ROBO1: variants seen among roughly 807,000 people sequenced by gnomAD.
ROBO1 encodes roundabout guidance receptor 1, also known as roundabout homolog 1.
Under a neutral mutation model 195.9 loss-of-function variants are expected in ROBO1, and 149 were observed. The observed-to-expected ratio is 0.76, with a 90% confidence interval of 0.67 to 0.87. ROBO1 has a LOEUF of 0.87. Ranked by LOEUF, ROBO1 falls within the 40% of genes least tolerant of loss-of-function variation. The pLI is 0.00. For synonymous variants in ROBO1, 816 were observed against 733.2 expected, an observed-to-expected ratio of 1.11 and a Z score of -1.82; for missense variants, 1,933 against 2,068.3, an observed-to-expected ratio of 0.93 and a Z score of 1.27.
At position 78,938,906 on chromosome 3, in the gene ROBO1, T is replaced by C; in HGVS notation, c.194A>G (p.Asp65Gly). The change falls in exon 4 of 31, where the codon GAT becomes GGT. Residue 65 changes from aspartate (D) to glycine (G), a missense_variant. Coordinates refer to ENST00000464233, the MANE Select transcript of ROBO1 (RefSeq NM_002941.4). ...GTGTTCAACAATGCGAGGTGGAAAATCTTCCTGACGAAGACGGGAGCCTGC... is the reference window on the plus strand; with the variant it reads ...GTGTTCAACAATGCGAGGTGGAAAACCTTCCTGACGAAGACGGGAGCCTGC... Reference protein sequence around the residue: ...GYTGSRLRQEDFPPRIVEHPS... With the variant: ...GYTGSRLRQEGFPPRIVEHPS... 1 of 1,609,228 alleles carries C rather than the reference T, an allele frequency of 6.2e-7. No individual in the cohort carries two copies. Among genetic ancestry groups the C allele is most frequent in the Non-Finnish European group, 8.5e-7 (1 of 1,176,998 alleles).
At chr3:78,601,423 C>T (rs544298582) in intron 29 of ROBO1, among the ~76,000 whole-genome samples, 1 of 152,292 alleles carries the variant, frequency 6.6e-6, no homozygotes, top group African/African-American at 2.4e-5. Flanking sequence ...ACAACTTTCA[C>T]CCCTAACCCA....
Position 79,496,387 on chromosome 3 carries a change from C to CATTTTTTTTTTTTTTTTTTTTTTTT in ROBO1, c.88+93436_88+93437insAAAAAAAAAAAAAAAAAAAAAAAAT, listed in dbSNP as rs145186389. ...TTTTGGTATAATGCTGCGCACCCAT[C>CATTTTTTTTTTTTTTTTTTTTTTTT]TTTTTTTGAGACGGAGTCTCGCTCT... On this transcript the variant is annotated intron_variant, in intron 2 of 30. Transcript: ENST00000464233. Among the ~76,000 whole-genome samples the CATTTTTTTTTTTTTTTTTTTTTTTT allele has an allele frequency of 2.8e-3, 310 of 112,584 alleles. 75 individuals are homozygous for CATTTTTTTTTTTTTTTTTTTTTTTT. Among genetic ancestry groups the CATTTTTTTTTTTTTTTTTTTTTTTT allele is most frequent in the Middle Eastern group, 4.3e-3 (1 of 232 alleles). The allele number at this position is 112,584 out of a possible 152,430, so 73.9% of individuals were successfully genotyped here. A position where few individuals can be genotyped will look rare whatever the true frequency, so the allele number is the denominator to read the frequency against.
chr3:79,472,714 C>A (rs1231206241), intron 2 of ROBO1, among the ~76,000 whole-genome samples: 1 of 152,098 alleles, frequency 6.6e-6, no homozygotes, highest in African/African-American at 2.4e-5. Context: ...AGAGTCCTTG[C>A]TTGGTGCTTG....
chr3:79,071,098 C>G (rs2079080331), intron 3 of ROBO1, among the ~76,000 whole-genome samples: 1 of 151,766 alleles, frequency 6.6e-6, no homozygotes, highest in Non-Finnish European at 1.5e-5. Context: ...ACTCTCTCAG[C>G]AATTTTCATG....
chr3:78,638,332 CACTT>C (rs1460893356), intron 22 of ROBO1, among the ~76,000 whole-genome samples: 1 of 150,464 alleles, frequency 6.6e-6, no homozygotes, highest in Admixed American at 6.6e-5. Context: ...TATACACACA[CACTT>C]AATATGTACA....
intron 1 of ROBO1, among the ~76,000 whole-genome samples, chr3:79,723,190 G>A (rs1379393244): frequency 1.3e-5 from 2 of 152,078 alleles, no homozygotes; most frequent in Non-Finnish European, 2.9e-5. Context: ...TTGAACAGAT[G>A]GAATGTGTTA....
chr3:79,711,647 AACACATAC>A (rs1185481000), intron 1 of ROBO1, among the ~76,000 whole-genome samples: 2 of 151,742 alleles, frequency 1.3e-5, no homozygotes, highest in South Asian at 4.1e-4. Flanking sequence ...TTACTGTTAA[AACACATAC>A]ACACATACAC....
intron 2 of ROBO1, among the ~76,000 whole-genome samples, chr3:79,409,578 T>G (rs896396503): frequency 2.6e-5 from 4 of 152,148 alleles, no homozygotes; most frequent in African/African-American, 7.2e-5. Context: ...AAAATTGTCT[T>G]AGTTGAGAAT....
chr3:79,634,953 T>TA (rs1204998647), intron 1 of ROBO1, among the ~76,000 whole-genome samples: 2 of 152,202 alleles, frequency 1.3e-5, no homozygotes, highest in Non-Finnish European at 2.9e-5. Context: ...GAACTTAATA[T>TA]GTATCAGGGA....
chr3:79,431,966 T>G lies in ROBO1; in HGVS notation c.88+157858A>C, dbSNP rs182979744. Among the ~76,000 whole-genome samples, 3 of 152,156 alleles carry G rather than the reference T, an allele frequency of 2.0e-5. No homozygotes were observed. The East Asian group carries it at 5.8e-4, about 29-fold the overall frequency. The stretch of plus-strand genomic sequence containing the variant: ...AAGGTGCCATTTTTGAATAACACTC[T>G]TAGTAGATAAAATGACAATGTGCAA... On this transcript the variant is annotated intron_variant, in intron 2 of 30. Coordinates refer to ENST00000464233, the MANE Select transcript of ROBO1 (RefSeq NM_002941.4).
chr3:79,587,210 G>A (rs986889218), intron 2 of ROBO1, among the ~76,000 whole-genome samples: 2 of 151,206 alleles, frequency 1.3e-5, no homozygotes, highest in African/African-American at 2.4e-5. Flanking sequence ...TATTATACAG[G>A]GAGACAAAAT....
At chr3:79,351,373 A>G (rs1432177115) in intron 2 of ROBO1, among the ~76,000 whole-genome samples, 3 of 152,174 alleles carry the variant, frequency 2.0e-5, no homozygotes, top group African/African-American at 7.2e-5. Context: ...ATAAATTGTT[A>G]TTCTTTTAAA....
intron 2 of ROBO1, among the ~76,000 whole-genome samples, chr3:79,391,395 T>TA (rs1376709756): frequency 6.6e-6 from 1 of 152,132 alleles, no homozygotes; most frequent in South Asian, 2.1e-4. Flanking sequence ...TTACAATTTT[T>TA]AAAAAATCAA....
chr3:79,584,612 T>TGTGTGTGTGTGTGTAC (rs1943762994), intron 2 of ROBO1, among the ~76,000 whole-genome samples: 1 of 100,788 alleles, frequency 9.9e-6, no homozygotes, highest in African/African-American at 4.9e-5. Context: ...GGTGGGTGAG[T>TGTGTGTGTGTGTGTAC]GTGTGTGTGT....
In ROBO1 at chr3:79,600,905, T is replaced by C. The variant is rs576027247; in HGVS notation, c.-50-10944A>G. On this transcript the variant is annotated intron_variant, in intron 1 of 30. Coordinates refer to ENST00000464233, the MANE Select transcript of ROBO1 (RefSeq NM_002941.4). ...ATTTCATTTATTTAATAAACGTTAT[T>C]TGACAACTTACTATGCACCATCCTA... Among the ~76,000 whole-genome samples the C allele has an allele frequency of 1.5e-3, 225 of 152,092 alleles. 2 individuals carry two copies. The highest frequency in any genetic ancestry group is 5.2e-3 in the African/African-American group (214 of 41,536).
chr3:78,614,562 C>T, intron 28 of ROBO1, 86 bp downstream of exon 28: 27 of 1,373,572 alleles, frequency 2.0e-5, no homozygotes, highest in Non-Finnish European at 2.5e-5. Flanking sequence ...TAATTTCTAA[C>T]GTCAGTGAAT....
At chr3:78,721,849 A>C (rs1039959097) in intron 5 of ROBO1, among the ~76,000 whole-genome samples, 2 of 152,206 alleles carry the variant, frequency 1.3e-5, no homozygotes, top group Non-Finnish European at 2.9e-5. Context: ...TGGGCCACCA[A>C]TTAACATTAT....
intron 3 of ROBO1, among the ~76,000 whole-genome samples, chr3:79,069,639 G>T (rs1278051488): frequency 6.6e-6 from 1 of 151,810 alleles, no homozygotes; most frequent in Admixed American, 6.6e-5. Flanking sequence ...TTTTCCATTT[G>T]CAAAGAGAAG....
At chr3:78,764,342 T>C (rs904773242) in intron 4 of ROBO1, among the ~76,000 whole-genome samples, 4 of 152,196 alleles carry the variant, frequency 2.6e-5, no homozygotes, top group African/African-American at 9.6e-5. Flanking sequence ...ATAACCCAAA[T>C]AGCTTATGAA....
Sources: gnomAD v4.1 joint callset for allele counts (sites outside exome capture counted in the v4.1 genomes callset) on GRCh38, gnomAD v4.1.1 for gene constraint, MANE v1.5 for transcripts, NCBI Gene and HGNC (gene_info 2026-07-23, HGNC 2026-07-21) for gene names.